ZFHX3: variants seen among roughly 807,000 people sequenced by gnomAD.
The protein encoded by ZFHX3 is zinc finger homeobox 3.
ZFHX3 carries 42 observed loss-of-function variants against 279.1 expected under a neutral mutation model. That is an observed-to-expected ratio of 0.15 (90% confidence interval 0.12 to 0.19). The LOEUF (loss-of-function observed/expected upper bound fraction) is 0.19. Among genes scored for constraint, ZFHX3 ranks in the 10% least tolerant of loss-of-function variants. The pLI is 1.00. For synonymous variants in ZFHX3, 2,293 were observed against 1,957.8 expected (o/e 1.17, Z -4.52); for missense variants, 4,981 against 4,754.0 (o/e 1.05, Z -1.40).
intron 1 of ZFHX3, among the ~76,000 whole-genome samples, chr16:73,747,886 C>G (rs925392778): frequency 9.9e-5 from 15 of 152,144 alleles, no homozygotes; most frequent in Admixed American, 2.0e-4. Context: ...AACTGGTAGT[C>G]ACCCTTTATT....
intron 2 of ZFHX3, among the ~76,000 whole-genome samples, chr16:73,477,645 G>A (rs1403689684): frequency 6.6e-6 from 1 of 152,164 alleles, no homozygotes; most frequent in African/African-American, 2.4e-5. Context: ...CACACCACGG[G>A]CCCCAGCACT....
chr16:73,861,203 T>G (rs766697055), intron 1 of ZFHX3, among the ~76,000 whole-genome samples: 1 of 152,048 alleles, frequency 6.6e-6, no homozygotes, highest in Non-Finnish European at 1.5e-5. Flanking sequence ...TGGGCTCAAG[T>G]GATCTGCCCG....
rs764894848 is a variant in ZFHX3, at chr16:72,960,031, T to C, written c.115A>G (p.Met39Val). ...STHLPDKPSS[M>V]EQSTGESHGP... ...TGGCTCTCGCCTGTGGACTGCTCCA[T>C]GCTACTGGGTTTGTCAGGGAGGTGG... Residue 39 changes from methionine to valine, a missense_variant, in exon 2 of 10, where the codon ATG becomes GTG. Met to Val is a conservative substitution (Grantham distance 21). Coordinates refer to ENST00000268489, the MANE Select transcript of ZFHX3 (RefSeq NM_006885.4). 1 of 1,614,022 alleles carries C rather than the reference T, an allele frequency of 6.2e-7. No individual in the cohort carries two copies. The highest frequency in any genetic ancestry group is 1.3e-5 in the African/African-American group (1 of 75,058).
At chr16:73,474,286 C>T (rs72626186) in intron 2 of ZFHX3, among the ~76,000 whole-genome samples, 16,391 of 151,944 alleles carry the variant, frequency 0.11, 1,268 homozygotes, top group Admixed American at 0.25. Context: ...TAGCAGGGAT[C>T]ACAGGTGTGT....
intron 2 of ZFHX3, among the ~76,000 whole-genome samples, chr16:73,634,053 C>A (rs1261855452): frequency 1.3e-5 from 2 of 152,026 alleles, no homozygotes; most frequent in African/African-American, 4.8e-5. Context: ...AAATAATATT[C>A]TTGACATTTT....
chr16:72,965,791 T>C (rs11075952), intron 1 of ZFHX3, among the ~76,000 whole-genome samples: 60,472 of 152,114 alleles, frequency 0.4, 12,436 homozygotes, highest in Non-Finnish European at 0.44. Context: ...GCATATACTG[T>C]AAGTTCTTCA....
intron 4 of ZFHX3, among the ~76,000 whole-genome samples, chr16:72,846,039 A>G (rs1470536881): frequency 2.0e-5 from 3 of 152,136 alleles, no homozygotes; most frequent in Non-Finnish European, 4.4e-5. Context: ...CCCATCACAT[A>G]TCCATGTGGC....
intron 3 of ZFHX3, among the ~76,000 whole-genome samples, chr16:73,333,003 C>A (rs1949555904): frequency 6.6e-6 from 1 of 152,136 alleles, no homozygotes; most frequent in Admixed American, 6.5e-5. Context: ...CCTCCTTATT[C>A]CTTCCCTTGC....
At chr16:73,309,893 C>T (rs1183764335) in intron 4 of ZFHX3, among the ~76,000 whole-genome samples, 8 of 123,816 alleles carry the variant, frequency 6.5e-5, no homozygotes, top group South Asian at 2.7e-4. Flanking sequence ...CTTTGGGACT[C>T]GTTTTTTCTT....
intron 1 of ZFHX3, among the ~76,000 whole-genome samples, chr16:73,857,698 C>T (rs1051094886): frequency 6.6e-6 from 1 of 152,168 alleles, no homozygotes; most frequent in African/African-American, 2.4e-5. Context: ...TTTGTTCTGC[C>T]CTTTTTCAAT....
At chr16:73,063,372 G>C (rs565992481), upstream of ZFHX3, among the ~76,000 whole-genome samples, 126 of 151,344 alleles carry the variant, frequency 8.3e-4, 1 homozygote, top group South Asian at 0.026. Context: ...GCAGCACGTG[G>C]GCTCCATCCA....
At chr16:73,853,722 A>G (rs951941391) in intron 1 of ZFHX3, among the ~76,000 whole-genome samples, 17 of 152,170 alleles carry the variant, frequency 1.1e-4, no homozygotes, top group African/African-American at 3.9e-4. Flanking sequence ...ATAACCATCC[A>G]GGTACAATGT....
At chr16:73,818,488 A>G (rs953977918) in intron 1 of ZFHX3, among the ~76,000 whole-genome samples, 3 of 152,204 alleles carry the variant, frequency 2.0e-5, no homozygotes, top group African/African-American at 7.2e-5. Flanking sequence ...TATACATGAT[A>G]TCAACCAAAG....
chr16:73,635,965 G>A (rs2052523744), intron 2 of ZFHX3, among the ~76,000 whole-genome samples: 1 of 152,146 alleles, frequency 6.6e-6, no homozygotes, highest in African/African-American at 2.4e-5. Context: ...ATCTGTTGTT[G>A]ATAGGGTTAG....
chr16:73,260,982 C>G (rs1334020079), intron 4 of ZFHX3, among the ~76,000 whole-genome samples: 1 of 152,160 alleles, frequency 6.6e-6, no homozygotes, highest in African/African-American at 2.4e-5. Context: ...CTGCGCCCAG[C>G]CTATGCACCT....
intron 3 of ZFHX3, among the ~76,000 whole-genome samples, chr16:72,935,380 C>T (rs76058332): frequency 1.3e-5 from 2 of 152,164 alleles, no homozygotes; most frequent in Non-Finnish European, 2.9e-5. Context: ...AGGAGAGGAG[C>T]CTCTAGGGAA....
chr16:73,444,755 A>C (rs766762557), intron 3 of ZFHX3, among the ~76,000 whole-genome samples: 5 of 152,178 alleles, frequency 3.3e-5, no homozygotes, highest in Non-Finnish European at 7.3e-5. Flanking sequence ...GAAGTGCAGC[A>C]CCTGTGCAGC....
In ZFHX3 at chr16:72,785,538, A is replaced by AAATC. The variant is rs1359056529; in HGVS notation, c.*1622_*1625dup. 6.6e-6 allele frequency: 1 copy of AAATC among 152,624 alleles called. No homozygotes were observed. Among genetic ancestry groups the AAATC allele is most frequent in the African/African-American group, 2.4e-5 (1 of 41,452 alleles). The allele number at this position is 152,624 out of a possible 1,614,324, so 9.5% of individuals were successfully genotyped here. On this transcript the variant is annotated 3_prime_UTR_variant, in exon 10 of 10. Transcript: ENST00000268489. ...TTATTAAACTAAGTCTTGTTTGTTT[A>AAATC]AATCAGAAACAAATTCTCAAGTAAC...
rs553875166 is a variant in ZFHX3 at position 73,309,836 on chromosome 16, T to C, written c.-1194+8404A>G. Among the ~76,000 whole-genome samples the C allele has an allele frequency of 6.3e-4, 96 of 151,652 alleles. 1 individual carries two copies. Among genetic ancestry groups the C allele is most frequent in the African/African-American group, 2.3e-3 (94 of 41,310 alleles). ...AGTCTGAGACCTGTGAGGACAAAAA[T>C]AGCAGTTTAGTTAAAATTCTGTAAA... On this transcript the variant is annotated intron_variant, in intron 4 of 17. Transcript: ENST00000641206.
Sources: allele counts gnomAD v4.1 joint callset (sites outside exome capture counted in the v4.1 genomes callset), GRCh38; gene constraint gnomAD v4.1.1; transcripts MANE v1.5; gene names NCBI Gene and HGNC (gene_info 2026-07-23, HGNC 2026-07-21).